EFNA3: variants seen among roughly 807,000 people sequenced by gnomAD.
The protein encoded by EFNA3 is ephrin A3, also known as ephrin-A3.
Under a neutral mutation model 25.0 loss-of-function variants are expected in EFNA3, and 15 were observed. The observed-to-expected ratio is 0.60, with a 90% confidence interval of 0.40 to 0.92. EFNA3 has a LOEUF of 0.92. Among genes scored for constraint, EFNA3 ranks in the 40% least tolerant of loss-of-function variants. The pLI, the probability that EFNA3 is intolerant of heterozygous loss-of-function variation, is 0.00. For missense variants in EFNA3, 298 were observed against 323.8 expected (o/e 0.92, Z 0.61); for synonymous variants, 153 against 145.6 (o/e 1.05, Z -0.37).
chr1:155,086,006 C>G, intron 3 of EFNA3, 64 bp downstream of exon 3: 1 of 1,574,998 alleles, frequency 6.3e-7, no homozygotes, highest in South Asian at 1.2e-5. Flanking sequence ...GCTCCCCTGG[C>G]TTCCTGGGGG....
At position 155,078,988 on chromosome 1, in the gene EFNA3, C is replaced by G; in HGVS notation, c.47C>G (p.Pro16Arg). 1 of 1,433,820 alleles carries G rather than the reference C, an allele frequency of 7.0e-7. No individual in the cohort carries two copies. Among genetic ancestry groups the G allele is most frequent in the South Asian group, 1.5e-5 (1 of 68,894 alleles). 88.8% of individuals were successfully genotyped at this position (1,433,820 alleles called of 1,614,324 possible). A position where few individuals can be genotyped will look rare whatever the true frequency, so the allele number is the denominator to read the frequency against. Residue 16 changes from proline (P) to arginine (R), a missense_variant, in exon 1 of 5, where the codon CCG becomes CGG. Coordinates refer to ENST00000368408, the MANE Select transcript of EFNA3 (RefSeq NM_004952.5). ...CTGCTGCTGCTGCTCGTGCCCGTGC[C>G]GCTGCTGCCGCTGCTGGCCCAAGGG... The part of the protein sequence containing the change: ...LLLLLLLVPV[P>R]LLPLLAQGPG...
Position 155,079,750 on chromosome 1 carries a change from G to T in EFNA3, c.128+681G>T, listed in dbSNP as rs1459881336. 6.6e-6 allele frequency among the ~76,000 whole-genome samples: 1 copy of T among 152,116 alleles called. No homozygotes were observed. Among genetic ancestry groups the T allele is most frequent in the Non-Finnish European group, 1.5e-5 (1 of 68,000 alleles). On this transcript the variant is annotated intron_variant, in intron 1 of 4. Transcript: ENST00000368408. The surrounding 1 kb of genome is among the most constrained non-coding windows in gnomAD (Gnocchi z 7.7). Reference sequence around the variant, plus strand: ...ACGCCCGGGCTGGGGACGGCGAATGGCTCCAAGTGTGAGCGGGCGTGCGCG... The same window carrying T: ...ACGCCCGGGCTGGGGACGGCGAATGTCTCCAAGTGTGAGCGGGCGTGCGCG...
chr1:155,083,579 A>G (rs772168451), intron 1 of EFNA3, among the ~76,000 whole-genome samples: 1 of 152,176 alleles, frequency 6.6e-6, no homozygotes, highest in Non-Finnish European at 1.5e-5. Flanking sequence ...GTACCCAAAC[A>G]TCAGCTCTCT....
chr1:155,085,428 C>T lies in EFNA3; in HGVS notation c.442+24C>T. On this transcript the variant is annotated intron_variant, in intron 2 of 4. Coordinates refer to ENST00000368408, the MANE Select transcript of EFNA3 (RefSeq NM_004952.5). The surrounding 1 kb of genome is among the most constrained non-coding windows in gnomAD (Gnocchi z 4.4). ...CTGTGAGTGACGGCGGCCGGGCGGG[C>T]GGGTCTGAACGCGAGAGTCTGAGTG... 6.5e-7 allele frequency: 1 copy of T among 1,530,142 alleles called. No individual in the cohort carries two copies. Among genetic ancestry groups the T allele is most frequent in the Non-Finnish European group, 8.8e-7 (1 of 1,132,248 alleles). 94.8% of individuals were successfully genotyped at this position (1,530,142 alleles called of 1,614,324 possible).
rs1197946043 is a variant in EFNA3 at position 155,085,811 on chromosome 1, G to C, written c.443-66G>C. The C allele has an allele frequency of 3.2e-6, 5 of 1,576,796 alleles. No homozygotes were observed. Among genetic ancestry groups the C allele is most frequent in the Admixed American group, 1.8e-5 (1 of 56,922 alleles). ...GACAGTTTGGAGGGGGTGAGAAATAGAGCCGTCGAGGGAGGGCACAGGCAC... is the reference window on the plus strand; with the variant it reads ...GACAGTTTGGAGGGGGTGAGAAATACAGCCGTCGAGGGAGGGCACAGGCAC... On this transcript the variant is annotated intron_variant, in intron 2 of 4. Transcript: ENST00000368408. The surrounding 1 kb of genome is among the most constrained non-coding windows in gnomAD (Gnocchi z 4.4).
chr1:155,079,223 G>T lies in EFNA3; in HGVS notation c.128+154G>T, dbSNP rs1180892876. Among the ~76,000 whole-genome samples, 1 of 152,112 alleles carries T rather than the reference G, an allele frequency of 6.6e-6. No individual in the cohort carries two copies. Among genetic ancestry groups the T allele is most frequent in the African/African-American group, 2.4e-5 (1 of 41,420 alleles). On this transcript the variant is annotated intron_variant, in intron 1 of 4. Coordinates refer to ENST00000368408, the MANE Select transcript of EFNA3 (RefSeq NM_004952.5). The surrounding 1 kb of genome is among the most constrained non-coding windows in gnomAD (Gnocchi z 7.7). ...GGAGAGGGGGACGCACTCTGTGGGC[G>T]TCTAGGAAACTCGGGGGTGTCTGAA...
rs566990469 is a variant in EFNA3, at chr1:155,084,997, A to G, written c.129-94A>G. 59 of 1,422,438 alleles carry G rather than the reference A, an allele frequency of 4.1e-5. No individual in the cohort carries two copies. In the South Asian group the frequency reaches 6.7e-4, roughly 16 times the overall value. 88.1% of individuals were successfully genotyped at this position (1,422,438 alleles called of 1,614,324 possible). ...AGCTCGGAGGAAAAGTCGGAAGGCT[A>G]CGCGGACCCTGGGGAGGGGCTGCGG... On this transcript the variant is annotated intron_variant, in intron 1 of 4. Coordinates refer to ENST00000368408, the MANE Select transcript of EFNA3 (RefSeq NM_004952.5).
intron 1 of EFNA3, among the ~76,000 whole-genome samples, chr1:155,083,648 G>T (rs528838874): frequency 6.6e-6 from 1 of 152,310 alleles, no homozygotes; most frequent in East Asian, 1.9e-4. Context: ...CACAAGCAAA[G>T]CCAAGGAAGT....
At chr1:155,083,632 G>A (rs1194680998) in intron 1 of EFNA3, among the ~76,000 whole-genome samples, 2 of 152,182 alleles carry the variant, frequency 1.3e-5, no homozygotes, top group African/African-American at 2.4e-5. Context: ...CTGGTGGAGG[G>A]GACAGCACAA....
At chr1:155,082,109 G>A (rs188559072) in intron 1 of EFNA3, among the ~76,000 whole-genome samples, 3,316 of 152,176 alleles carry the variant, frequency 0.022, 129 homozygotes, top group African/African-American at 0.075. Flanking sequence ...GCGTGCAACC[G>A]CCGCCCCCCA....
rs1211641960 is a variant in EFNA3, at chr1:155,085,218, T to C, written c.256T>C (p.Tyr86His). The C allele has an allele frequency of 1.9e-6, 3 of 1,612,624 alleles. No homozygotes were observed. The highest frequency in any genetic ancestry group is 1.1e-5 in the South Asian group (1 of 91,024). The change falls in exon 2 of 5, where the codon TAC (tyrosine) becomes CAC (histidine). Residue 86 changes from tyrosine (Y) to histidine (H), a missense_variant. Physicochemically the swap from Tyr to His is moderately conservative, Grantham distance 83 (BLOSUM62 2). Coordinates refer to ENST00000368408, the MANE Select transcript of EFNA3 (RefSeq NM_004952.5). This position sits in a 1 kb window ranked among gnomAD's most constrained non-coding sequence, Gnocchi z 4.4. ...GPGPGGGAEQ[Y>H]VLYMVSRNGY... Reference sequence around the variant, plus strand: ...GGGGCCCGGAGGCGGGGCAGAGCAGTACGTGCTGTACATGGTGAGCCGCAA... The same window carrying C: ...GGGGCCCGGAGGCGGGGCAGAGCAGCACGTGCTGTACATGGTGAGCCGCAA...
At position 155,085,664 on chromosome 1, in the gene EFNA3, G is replaced by A. The variant is rs1296125162; in HGVS notation, c.443-213G>A. 2.9e-6 allele frequency: 2 copies of A among 686,762 alleles called. No homozygotes were observed. Among genetic ancestry groups the A allele is most frequent in the South Asian group, 1.9e-5 (1 of 52,052 alleles). The allele number at this position is 686,762 out of a possible 1,614,324, so 42.5% of individuals were successfully genotyped here. On this transcript the variant is annotated intron_variant, in intron 2 of 4. Transcript: ENST00000368408. The surrounding 1 kb of genome is among the most constrained non-coding windows in gnomAD (Gnocchi z 4.4). ...TTCTGTGAGGGACATTCCGGGGTTG[G>A]AACATCAGGGATCCCAGTTTCTTGA...
At position 155,085,299 on chromosome 1, in the gene EFNA3, C is replaced by A; in HGVS notation, c.337C>A (p.Pro113Thr). 6.2e-7 allele frequency: 1 copy of A among 1,612,832 alleles called. No individual in the cohort carries two copies. The highest frequency in any genetic ancestry group is 8.5e-7 in the Non-Finnish European group (1 of 1,179,472). ...QGFKRWECNR[P>T]HAPHSPIKFS... ...CTTCAAGCGCTGGGAGTGCAACCGGCCGCACGCCCCGCACAGCCCCATCAA... is the reference window on the plus strand; with the variant it reads ...CTTCAAGCGCTGGGAGTGCAACCGGACGCACGCCCCGCACAGCCCCATCAA... The change falls in exon 2 of 5, where the codon CCG becomes ACG. Residue 113 changes from proline (P) to threonine (T), a missense_variant. Coordinates refer to ENST00000368408, the MANE Select transcript of EFNA3 (RefSeq NM_004952.5). The surrounding 1 kb of genome is among the most constrained non-coding windows in gnomAD (Gnocchi z 4.4).
intron 1 of EFNA3, among the ~76,000 whole-genome samples, chr1:155,084,321 C>T (rs1169436839): frequency 6.6e-6 from 1 of 152,124 alleles, no homozygotes; most frequent in Non-Finnish European, 1.5e-5. Flanking sequence ...GTCTCTGTCA[C>T]GGGACTCAAG....
chr1:155,085,863 G>T lies in EFNA3; in HGVS notation c.443-14G>T. 6.2e-7 allele frequency: 1 copy of T among 1,612,632 alleles called. No homozygotes were observed. The highest frequency in any genetic ancestry group is 1.1e-5 in the South Asian group (1 of 90,724). On this transcript the variant is annotated splice_polypyrimidine_tract_variant and intron_variant, in intron 2 of 4. Coordinates refer to ENST00000368408, the MANE Select transcript of EFNA3 (RefSeq NM_004952.5). The surrounding 1 kb of genome is among the most constrained non-coding windows in gnomAD (Gnocchi z 4.4). ...CATTGGGCGAAAGTGACTCAGGCCC[G>T]GTCTCCTCCCCAGCCACGCCCACTC...
At position 155,085,993 on chromosome 1, in the gene EFNA3, G is replaced by T. The variant is rs773092480; in HGVS notation, c.508+51G>T. ...GCCCCCATCCTCAGCTCCCTGCTTT[G>T]GGGCTCCCCTGGCTTCCTGGGGGTG... On this transcript the variant is annotated intron_variant, in intron 3 of 4. Coordinates refer to ENST00000368408, the MANE Select transcript of EFNA3 (RefSeq NM_004952.5). This position sits in a 1 kb window ranked among gnomAD's most constrained non-coding sequence, Gnocchi z 4.4. 2 of 1,583,706 alleles carry T rather than the reference G, an allele frequency of 1.3e-6. No homozygotes were observed. The highest frequency in any genetic ancestry group is 1.7e-6 in the Non-Finnish European group (2 of 1,165,498).
At position 155,078,910 on chromosome 1, in the gene EFNA3, G is replaced by T. The variant is rs1663283404; in HGVS notation, c.-32G>T. ...GGAGAAGCCGGGAGCGCGGGGCTCA[G>T]TCGGGGGGCGGCGGCGGCGGCGGCT... On this transcript the variant is annotated 5_prime_UTR_variant, in exon 1 of 5. Coordinates refer to ENST00000368408, the MANE Select transcript of EFNA3 (RefSeq NM_004952.5). 4 of 1,371,856 alleles carry T rather than the reference G, an allele frequency of 2.9e-6. No homozygotes were observed. In the Admixed American group the frequency reaches 1.2e-4, roughly 40 times the overall value. 85.0% of individuals were successfully genotyped at this position (1,371,856 alleles called of 1,614,324 possible). A position where few individuals can be genotyped will look rare whatever the true frequency, so the allele number is the denominator to read the frequency against.
intron 1 of EFNA3, among the ~76,000 whole-genome samples, chr1:155,083,216 G>C (rs1001560850): frequency 3.9e-5 from 6 of 152,196 alleles, no homozygotes; most frequent in African/African-American, 1.4e-4. Context: ...ACAGCAGGGA[G>C]GGGCTGCTTC....
In EFNA3 at chr1:155,079,962, T is replaced by C. The variant is rs1663310194; in HGVS notation, c.128+893T>C. 6.6e-6 allele frequency among the ~76,000 whole-genome samples: 1 copy of C among 151,798 alleles called. No homozygotes were observed. The highest frequency in any genetic ancestry group is 2.4e-5 in the African/African-American group (1 of 41,316). ...GGCGGGTGTCAGGGCGGCCGTGTGGTTTCCCGGGGTGTGTGGCGCGGTGGC... is the reference window on the plus strand; with the variant it reads ...GGCGGGTGTCAGGGCGGCCGTGTGGCTTCCCGGGGTGTGTGGCGCGGTGGC... On this transcript the variant is annotated intron_variant, in intron 1 of 4. Transcript: ENST00000368408. This position sits in a 1 kb window ranked among gnomAD's most constrained non-coding sequence, Gnocchi z 7.7.
Sources: allele counts gnomAD v4.1 joint callset (sites outside exome capture counted in the v4.1 genomes callset), GRCh38; gene constraint gnomAD v4.1.1; non-coding constraint Gnocchi (gnomAD v3.1); transcripts MANE v1.5; gene names NCBI Gene and HGNC (gene_info 2026-07-23, HGNC 2026-07-21).